AKAP19: variants seen among roughly 807,000 people sequenced by gnomAD.
AKAP19 encodes A-kinase anchoring protein 19.
At chr2:190,123,073 A>G in the AKAP19 span, among the ~76,000 whole-genome samples, 1 of 152,046 alleles carries the variant, frequency 6.6e-6, no homozygotes, top group Non-Finnish European at 1.5e-5. Flanking sequence ...CAGCCTCCCA[A>G]AGCACTGGGA....
the AKAP19 span, among the ~76,000 whole-genome samples, chr2:190,148,592 C>T: frequency 6.6e-6 from 1 of 152,128 alleles, no homozygotes; most frequent in African/African-American, 2.4e-5. Context: ...GACCAATTCT[C>T]CTTTGAATGT....
chr2:190,010,244 T>A, the AKAP19 span, among the ~76,000 whole-genome samples: 1 of 152,202 alleles, frequency 6.6e-6, no homozygotes, highest in Non-Finnish European at 1.5e-5. Context: ...GAATAGTTTA[T>A]CCATGGTAAC....
chr2:189,960,211 T>C, the AKAP19 span, among the ~76,000 whole-genome samples: 2 of 152,216 alleles, frequency 1.3e-5, no homozygotes, highest in African/African-American at 4.8e-5. Flanking sequence ...TGCCTAAATC[T>C]TTCCTTGACT....
the AKAP19 span, chr2:190,189,990 T>C: frequency 2.0e-5 from 3 of 152,336 alleles, no homozygotes; most frequent in African/African-American, 7.2e-5. Flanking sequence ...ATGCTGCCCA[T>C]AGGCGGTCTT....
chr2:190,033,776 T>C, the AKAP19 span, among the ~76,000 whole-genome samples: 1 of 152,342 alleles, frequency 6.6e-6, no homozygotes, highest in East Asian at 1.9e-4. Flanking sequence ...GCTCTATTTT[T>C]TTCTTCTTTG....
At chr2:189,976,129 A>T in the AKAP19 span, among the ~76,000 whole-genome samples, 1 of 151,872 alleles carries the variant, frequency 6.6e-6, no homozygotes, top group African/African-American at 2.4e-5. Context: ...TTGGTTTTTG[A>T]TGATGGTGAC....
chr2:190,084,726 C>T, the AKAP19 span, among the ~76,000 whole-genome samples: 117,682 of 152,128 alleles, frequency 0.77, 45,694 homozygotes, highest in South Asian at 0.85. Flanking sequence ...GGAAGGGACA[C>T]GGGAGTACGA....
chr2:190,092,620 T>C, the AKAP19 span, among the ~76,000 whole-genome samples: 144 of 152,344 alleles, frequency 9.5e-4, no homozygotes, highest in Middle Eastern at 3.4e-3. Context: ...GTATATGTAC[T>C]ATTTAAAAAC....
the AKAP19 span, among the ~76,000 whole-genome samples, chr2:190,177,971 C>T: frequency 6.6e-6 from 1 of 152,204 alleles, no homozygotes; most frequent in African/African-American, 2.4e-5. The surrounding 1 kb of genome is among the most constrained non-coding windows in gnomAD (Gnocchi z 4.6). Flanking sequence ...GCTACGGCCC[C>T]TCACCCTAAC....
the AKAP19 span, among the ~76,000 whole-genome samples, chr2:190,073,761 G>A: frequency 6.6e-6 from 1 of 151,780 alleles, no homozygotes; most frequent in Admixed American, 6.6e-5. Context: ...AAAAAAAACT[G>A]CAGATATCGG....
At chr2:189,996,940 G>C in the AKAP19 span, among the ~76,000 whole-genome samples, 92,210 of 152,098 alleles carry the variant, frequency 0.61, 31,507 homozygotes, top group South Asian at 0.79. Flanking sequence ...CTCCCAAGAT[G>C]TGATCTGTGT....
the AKAP19 span, among the ~76,000 whole-genome samples, chr2:190,065,775 T>A: frequency 6.6e-6 from 1 of 152,172 alleles, no homozygotes; most frequent in Non-Finnish European, 1.5e-5. Context: ...CTACTATGAA[T>A]AGGGAGAATT....
At chr2:190,080,713 G>T in the AKAP19 span, among the ~76,000 whole-genome samples, 1 of 152,202 alleles carries the variant, frequency 6.6e-6, no homozygotes, top group African/African-American at 2.4e-5. Flanking sequence ...GGCACATCTT[G>T]TGAAGATAGA....
At chr2:189,909,899 G>A in the AKAP19 span, among the ~76,000 whole-genome samples, 1 of 151,722 alleles carries the variant, frequency 6.6e-6, no homozygotes, top group Non-Finnish European at 1.5e-5. Flanking sequence ...TACTAGTTTC[G>A]ATAGTGATAA....
the AKAP19 span, among the ~76,000 whole-genome samples, chr2:190,192,930 C>G: frequency 6.6e-6 from 1 of 151,984 alleles, no homozygotes; most frequent in Non-Finnish European, 1.5e-5. Flanking sequence ...TTAAAATTTT[C>G]TCTATACAAT....
chr2:190,011,475 C>A, the AKAP19 span, among the ~76,000 whole-genome samples: 91,924 of 152,058 alleles, frequency 0.6, 31,380 homozygotes, highest in South Asian at 0.78. Flanking sequence ...GTTGCCTGAG[C>A]TTTTGGGGTC....
the AKAP19 span, among the ~76,000 whole-genome samples, chr2:189,978,655 G>T: frequency 1.3e-5 from 2 of 152,124 alleles, no homozygotes; most frequent in African/African-American, 4.8e-5. Flanking sequence ...CATGGTATTT[G>T]ATTTTCTGTT....
the AKAP19 span, among the ~76,000 whole-genome samples, chr2:189,965,208 A>G: frequency 6.6e-6 from 1 of 152,308 alleles, no homozygotes; most frequent in South Asian, 2.1e-4. Flanking sequence ...GTCAGAACAC[A>G]CACAATATTT....
the AKAP19 span, among the ~76,000 whole-genome samples, chr2:189,880,832 C>A: frequency 6.6e-6 from 1 of 152,084 alleles, no homozygotes; most frequent in Non-Finnish European, 1.5e-5. Flanking sequence ...ACCAAAGTTA[C>A]CAGGCAAATT....
Sources: gnomAD v4.1 joint callset for allele counts (sites outside exome capture counted in the v4.1 genomes callset) on GRCh38, gnomAD v4.1.1 for gene constraint, Gnocchi (gnomAD v3.1) non-coding constraint, MANE v1.5 for transcripts, NCBI Gene and HGNC (gene_info 2026-07-23, HGNC 2026-07-21) for gene names.